The following CDK12 variants were observed in gnomAD, a reference collection of about 807,000 sequenced individuals.
CDK12 encodes cyclin-dependent kinase 12.
In CDK12, 17 loss-of-function variants were observed where a neutral mutation model predicts 133.8. The ratio of observed to expected loss-of-function variants is 0.13; its 90% CI spans 0.09 to 0.19. The LOEUF is 0.19. Among genes scored for constraint, CDK12 ranks in the 10% least tolerant of loss-of-function variants. The probability of loss-of-function intolerance (pLI) is 1.00; values close to 1 mark genes in which losing one functional copy is unlikely to be tolerated. For missense variants in CDK12, 1,508 were observed against 1,818.7 expected, an observed-to-expected ratio of 0.83 and a Z score of 3.11; for synonymous variants, 694 against 683.6, an observed-to-expected ratio of 1.02 and a Z score of -0.24.
intron 3 of CDK12, 74 bp downstream of exon 3, chr17:39,490,807 T>G (rs1335858146): frequency 8.8e-7 from 1 of 1,137,136 alleles, no homozygotes; most frequent in Non-Finnish European, 1.2e-6. Flanking sequence ...TCATGTTTCT[T>G]CTATAACCCA....
intron 2 of CDK12, among the ~76,000 whole-genome samples, chr17:39,473,571 C>T (rs904520330): frequency 6.6e-6 from 1 of 151,978 alleles, no homozygotes; most frequent in Non-Finnish European, 1.5e-5. Context: ...GATGGAACCC[C>T]ATCTCTACTA....
chr17:39,487,692 CT>C (rs2051249958), intron 2 of CDK12, among the ~76,000 whole-genome samples: 1 of 141,860 alleles, frequency 7.0e-6, no homozygotes, highest in African/African-American at 2.6e-5. Flanking sequence ...TCTCGGCTTA[CT>C]GCAACCTTGA....
intron 8 of CDK12, 35 bp downstream of exon 8, chr17:39,511,665 C>T (rs1301385255): frequency 3.7e-6 from 5 of 1,356,758 alleles, no homozygotes; most frequent in Non-Finnish European, 5.3e-6. Flanking sequence ...TTGTCTGTAA[C>T]TTACATACTG....
At chr17:39,550,106 G>C (rs1035084718), upstream of CDK12, 2 of 152,130 alleles carry the variant, frequency 1.3e-5, no homozygotes, top group African/African-American at 4.8e-5. Context: ...GGGGGGTATA[G>C]AGCTCCAATA....
intron 2 of CDK12, among the ~76,000 whole-genome samples, chr17:39,472,833 T>C (rs899028659): frequency 1.1e-4 from 16 of 152,270 alleles, no homozygotes; most frequent in African/African-American, 3.1e-4. Flanking sequence ...CCCAGCACTT[T>C]GGGAGGCCAA....
rs2146719029 is a variant in CDK12 at position 39,526,118 on chromosome 17, A to T, written c.3562A>T (p.Ile1188Phe). 1 of 1,614,208 alleles carries T rather than the reference A, an allele frequency of 6.2e-7. No homozygotes were observed. The highest frequency in any genetic ancestry group is 8.5e-7 in the Non-Finnish European group (1 of 1,180,030). The part of the protein sequence containing the change: ...SLKEAPSAPV[I>F]LPSAEQTTLE... ...GAAGGAAGCACCCTCTGCCCCAGTG[A>T]TCCTGCCTTCAGCAGAACAGACGAC... The change falls in exon 13 of 14, where the codon ATC (isoleucine) becomes TTC (phenylalanine). Residue 1188 changes from isoleucine (I) to phenylalanine (F), a missense_variant. Ile to Phe is a conservative substitution (Grantham distance 21). Transcript: ENST00000447079.
rs200748619 is a variant in CDK12 at position 39,470,133 on chromosome 17, C to G, written c.1047-746C>G. Among the ~76,000 whole-genome samples the G allele has an allele frequency of 1.2e-4, 18 of 148,506 alleles. No homozygotes were observed. The East Asian group carries it at 3.6e-3, about 30-fold the overall frequency. On this transcript the variant is annotated intron_variant, in intron 1 of 13. Transcript: ENST00000447079. ...GTTTTCATGTAGGATTTAGTTTAATCTATTTTTTTTTTTTTTGAGATGTAG... is the reference window on the plus strand; with the variant it reads ...GTTTTCATGTAGGATTTAGTTTAATGTATTTTTTTTTTTTTTGAGATGTAG...
chr17:39,474,259 C>T (rs1255689211), intron 2 of CDK12, among the ~76,000 whole-genome samples: 1 of 152,142 alleles, frequency 6.6e-6, no homozygotes, highest in East Asian at 1.9e-4. Context: ...TAAGTGCCAC[C>T]GATCTTGCAT....
In CDK12 at chr17:39,482,968, A is replaced by G. The variant is rs1023345101; in HGVS notation, c.1932-7589A>G. On this transcript the variant is annotated intron_variant, in intron 2 of 13. Coordinates refer to ENST00000447079, the MANE Select transcript of CDK12 (RefSeq NM_016507.4). Reference sequence around the variant, plus strand: ...CACTCTGTCCTCTAGGCTGGAGTACAGTGGCATGATCTCGGCTCACTGCAA... The same window carrying G: ...CACTCTGTCCTCTAGGCTGGAGTACGGTGGCATGATCTCGGCTCACTGCAA... Among the ~76,000 whole-genome samples the G allele has an allele frequency of 4.1e-5, 6 of 145,092 alleles. No homozygotes were observed. In the Admixed American group the frequency reaches 4.2e-4, roughly 10 times the overall value.
chr17:39,486,335 C>G (rs2051130895), intron 2 of CDK12, among the ~76,000 whole-genome samples: 1 of 146,604 alleles, frequency 6.8e-6, no homozygotes, highest in African/African-American at 2.5e-5. Flanking sequence ...AATCATGGCT[C>G]ACTGCAACCT....
In CDK12 at chr17:39,517,238, C is replaced by T. The variant is rs986865083; in HGVS notation, c.2847-202C>T. The stretch of plus-strand genomic sequence containing the variant: ...TTATTATCCGAGTATTTTTTCTTTC[C>T]TCTGTTATAACCAGTTCTTTCTGTT... On this transcript the variant is annotated intron_variant, in intron 9 of 13. Coordinates refer to ENST00000447079, the MANE Select transcript of CDK12 (RefSeq NM_016507.4). Among the ~76,000 whole-genome samples the T allele has an allele frequency of 9.7e-4, 148 of 152,200 alleles. 1 individual carries two copies. The highest frequency in any genetic ancestry group is 3.5e-3 in the African/African-American group (144 of 41,536).
chr17:39,496,912 CTTTTTT>C (rs71147349), intron 5 of CDK12, among the ~76,000 whole-genome samples: 625 of 87,814 alleles, frequency 7.1e-3, no homozygotes, highest in African/African-American at 0.016. Flanking sequence ...TTCAGTATAT[CTTTTTT>C]TTTTTTTTTT....
rs2050834515 is a variant in CDK12, at chr17:39,482,926, T to C, written c.1932-7631T>C. On this transcript the variant is annotated intron_variant, in intron 2 of 13. Coordinates refer to ENST00000447079, the MANE Select transcript of CDK12 (RefSeq NM_016507.4). ...TCAACTAAATTTTTTTTTTTTTTTT[T>C]TTTTGAAACGGAGTCTCACTCTGTC... 3.4e-5 allele frequency among the ~76,000 whole-genome samples: 3 copies of C among 89,158 alleles called. No individual in the cohort carries two copies. In the Admixed American group the frequency reaches 3.6e-4, roughly 11 times the overall value. 58.5% of individuals were successfully genotyped at this position (89,158 alleles called of 152,430 possible). A position where few individuals can be genotyped will look rare whatever the true frequency, so the allele number is the denominator to read the frequency against.
At chr17:39,503,047 C>G (rs925664968) in intron 6 of CDK12, among the ~76,000 whole-genome samples, 24 of 152,130 alleles carry the variant, frequency 1.6e-4, no homozygotes, top group Non-Finnish European at 2.6e-4. Flanking sequence ...CCACTACACT[C>G]CAGTCCAGGT....
chr17:39,501,191 T>C, intron 5 of CDK12, 59 bp from the exon 6 acceptor site: 1 of 1,246,772 alleles, frequency 8.0e-7, no homozygotes, highest in South Asian at 1.6e-5. Flanking sequence ...ACTTGAGGCA[T>C]TGTTATTTCA....
chr17:39,502,132 C>T (rs1038499464), intron 6 of CDK12, among the ~76,000 whole-genome samples: 7 of 150,244 alleles, frequency 4.7e-5, no homozygotes, highest in Admixed American at 3.3e-4. Context: ...CATGAGCCAC[C>T]GCACCTGGCA....
At chr17:39,563,474 G>A (rs866773451) in intron 3 of CDK12, among the ~76,000 whole-genome samples, 1 of 29,654 alleles carries the variant, frequency 3.4e-5, no homozygotes, top group African/African-American at 1.6e-4. Context: ...CCCCCCCCCC[G>A]CCCCCATATC....
chr17:39,520,552 A>G (rs2054098487), intron 11 of CDK12, among the ~76,000 whole-genome samples: 1 of 151,560 alleles, frequency 6.6e-6, no homozygotes, highest in South Asian at 2.1e-4. Context: ...CACCACACCC[A>G]GCTAATTTTT....
At position 39,531,226 on chromosome 17, in the gene CDK12, C is replaced by G. The variant is rs1348826083; in HGVS notation, c.4383C>G (p.Gly1461=). 1 of 1,515,816 alleles carries G rather than the reference C, an allele frequency of 6.6e-7. No homozygotes were observed. Among genetic ancestry groups the G allele is most frequent in the Non-Finnish European group, 8.8e-7 (1 of 1,134,314 alleles). The allele number at this position is 1,515,816 out of a possible 1,614,324, so 93.9% of individuals were successfully genotyped here. Residue 1461 remains glycine (G), a synonymous_variant, in exon 14 of 14, where the codon GGC becomes GGG. Coordinates refer to ENST00000447079, the MANE Select transcript of CDK12 (RefSeq NM_016507.4). ...CAGGAGCAGGCCTTCACTGGGGGGG[C>G]CCAACTCAGTCTTCTGCTTATGGAA... ...SSSGAGLHWG[G]PTQSSAYGKL...
Sources: gnomAD v4.1 joint callset for allele counts (sites outside exome capture counted in the v4.1 genomes callset) on GRCh38, gnomAD v4.1.1 for gene constraint, MANE v1.5 for transcripts, NCBI Gene and HGNC (gene_info 2026-07-23, HGNC 2026-07-21) for gene names.